USP46: variants seen among roughly 807,000 people sequenced by gnomAD.
The protein encoded by USP46 is ubiquitin specific peptidase 46, also known as ubiquitin carboxyl-terminal hydrolase 46.
USP46 carries 12 observed loss-of-function variants against 44.4 expected under a neutral mutation model. That is an observed-to-expected ratio of 0.27 (90% CI 0.17 to 0.44). The LOEUF (loss-of-function observed/expected upper bound fraction) is 0.44. USP46 is among the 20% of genes least tolerant of loss of function. USP46 has a pLI of 1.00. For missense variants in USP46, 248 were observed against 444.8 expected (o/e 0.56, Z 3.98); for synonymous variants, 155 against 161.5 (o/e 0.96, Z 0.31).
At chr4:52,602,520 C>T (rs2109595632) in intron 6 of USP46, among the ~76,000 whole-genome samples, 1 of 152,310 alleles carries the variant, frequency 6.6e-6, no homozygotes, top group Middle Eastern at 3.4e-3. Context: ...TTCTGACACA[C>T]ACTCTTGGGC....
At chr4:52,638,543 A>T (rs1300096639) in intron 1 of USP46, among the ~76,000 whole-genome samples, 1 of 151,486 alleles carries the variant, frequency 6.6e-6, no homozygotes, top group Non-Finnish European at 1.5e-5. Context: ...CCCCACTCAT[A>T]GCATCCTGTA....
intron 4 of USP46, among the ~76,000 whole-genome samples, chr4:52,612,641 C>G (rs1716977791): frequency 6.6e-6 from 1 of 152,236 alleles, no homozygotes; most frequent in Non-Finnish European, 1.5e-5. Context: ...GGAAAGCTGT[C>G]CTAACCAAGG....
In USP46 at chr4:52,610,497, T is replaced by C; in HGVS notation, c.638+44A>G. On this transcript the variant is annotated intron_variant, in intron 5 of 8. Coordinates refer to ENST00000441222, the MANE Select transcript of USP46 (RefSeq NM_022832.4). The stretch of plus-strand genomic sequence containing the variant: ...TACAGGATTTTCTCTCCCACTTAGT[T>C]ACAAGCCTGATCAAAAGCTCAAACT... 1.9e-6 allele frequency: 3 copies of C among 1,564,392 alleles called. 1 individual carries two copies. Among genetic ancestry groups the C allele is most frequent in the Non-Finnish European group, 2.6e-6 (3 of 1,137,158 alleles).
chr4:52,653,282 G>C (rs1345143957), intron 1 of USP46, among the ~76,000 whole-genome samples: 1 of 151,970 alleles, frequency 6.6e-6, no homozygotes, highest in African/African-American at 2.4e-5. Flanking sequence ...GAGGCGGGCG[G>C]ATCACCTGAG....
rs1048112218 is a variant in USP46, at chr4:52,594,115, A to G, written c.*3525T>C. 1.3e-5 allele frequency: 2 copies of G among 152,212 alleles called. No individual in the cohort carries two copies. Among genetic ancestry groups the G allele is most frequent in the African/African-American group, 4.8e-5 (2 of 41,438 alleles). The allele number at this position is 152,212 out of a possible 1,614,324, so 9.4% of individuals were successfully genotyped here. A position where few individuals can be genotyped will look rare whatever the true frequency, so the allele number is the denominator to read the frequency against. On this transcript the variant is annotated 3_prime_UTR_variant, in exon 9 of 9. Coordinates refer to ENST00000441222, the MANE Select transcript of USP46 (RefSeq NM_022832.4). ...ACCTGCCACTGACTCACACTTTATA[A>G]AAAGGATTTTAAGTCCATGTGTGTA...
intron 1 of USP46, among the ~76,000 whole-genome samples, chr4:52,657,524 G>A (rs986067290): frequency 2.6e-5 from 4 of 152,174 alleles, no homozygotes; most frequent in Admixed American, 6.5e-5. Flanking sequence ...CTACCCTGTA[G>A]TATCCTTAGG....
intron 4 of USP46, among the ~76,000 whole-genome samples, chr4:52,622,326 A>G (rs1717409796): frequency 6.6e-6 from 1 of 152,226 alleles, no homozygotes; most frequent in Admixed American, 6.5e-5. Context: ...ACACACACAT[A>G]TACTTCTTTA....
At chr4:52,640,512 T>C (rs887863207) in intron 1 of USP46, among the ~76,000 whole-genome samples, 1 of 152,134 alleles carries the variant, frequency 6.6e-6, no homozygotes, top group Non-Finnish European at 1.5e-5. Context: ...ATTATTATTT[T>C]TTATTAAAAT....
At chr4:52,618,998 C>T (rs1233673613) in intron 4 of USP46, among the ~76,000 whole-genome samples, 1 of 151,992 alleles carries the variant, frequency 6.6e-6, no homozygotes, top group Non-Finnish European at 1.5e-5. Flanking sequence ...AGAGCAAAAG[C>T]TCAGCTTAAA....
chr4:52,636,346 T>C (rs535027223), intron 1 of USP46, among the ~76,000 whole-genome samples: 1 of 152,294 alleles, frequency 6.6e-6, no homozygotes, highest in African/African-American at 2.4e-5. Context: ...ACCTTGATTT[T>C]AGCCCGGTGA....
chr4:52,603,164 A>G (rs574748654), intron 6 of USP46, among the ~76,000 whole-genome samples: 1 of 152,368 alleles, frequency 6.6e-6, no homozygotes, highest in African/African-American at 2.4e-5. Context: ...TTTTATGGGA[A>G]CACATGACAT....
chr4:52,641,624 C>A (rs764991986), intron 1 of USP46, among the ~76,000 whole-genome samples: 1 of 152,078 alleles, frequency 6.6e-6, no homozygotes, highest in Non-Finnish European at 1.5e-5. Context: ...TCTGGAAAAA[C>A]CAATGAGAAC....
At position 52,650,508 on chromosome 4, in the gene USP46, G is replaced by A. The variant is rs188135856; in HGVS notation, c.36+8607C>T. Among the ~76,000 whole-genome samples the A allele has an allele frequency of 8.3e-4, 126 of 152,302 alleles. 1 individual carries two copies. The highest frequency in any genetic ancestry group is 8.8e-5 in the Non-Finnish European group (6 of 68,030). ...AGGAAAGAGATTGGGTTGAGTTAGT[G>A]TCTGTTTTTAAGGTAAAAGAGTCTA... On this transcript the variant is annotated intron_variant, in intron 1 of 8. Coordinates refer to ENST00000441222, the MANE Select transcript of USP46 (RefSeq NM_022832.4).
intron 4 of USP46, among the ~76,000 whole-genome samples, chr4:52,623,449 G>A (rs1717454031): frequency 6.6e-6 from 1 of 152,120 alleles, no homozygotes; most frequent in Admixed American, 6.5e-5. Context: ...GTATATTAAA[G>A]GCTCTAACTG....
At chr4:52,643,461 C>G (rs6828959) in intron 1 of USP46, among the ~76,000 whole-genome samples, 1,569 of 152,330 alleles carry the variant, frequency 0.01, 21 homozygotes, top group African/African-American at 0.036. Context: ...ACAATATTAA[C>G]AGCAGAATTG....
chr4:52,647,613 G>A (rs1718595041), intron 1 of USP46, among the ~76,000 whole-genome samples: 1 of 152,180 alleles, frequency 6.6e-6, no homozygotes. Flanking sequence ...GAAAAACATT[G>A]TATCTTGACT....
In USP46 at chr4:52,604,715, C is replaced by T. The variant is rs912250227; in HGVS notation, c.639-131G>A. The T allele has an allele frequency of 6.4e-6, 4 of 626,814 alleles. No individual in the cohort carries two copies. In the Admixed American group the frequency reaches 1.2e-4, roughly 18 times the overall value. The allele number at this position is 626,814 out of a possible 1,614,324, so 38.8% of individuals were successfully genotyped here. On this transcript the variant is annotated intron_variant, in intron 5 of 8. Coordinates refer to ENST00000441222, the MANE Select transcript of USP46 (RefSeq NM_022832.4). The stretch of plus-strand genomic sequence containing the variant: ...GAAGAAGAAGTAATCAGAAAAAAAT[C>T]CTACTTAAGACTAGGATGGTAGAGA...
chr4:52,638,084 C>A (rs1718182467), intron 1 of USP46, among the ~76,000 whole-genome samples: 1 of 152,158 alleles, frequency 6.6e-6, no homozygotes, highest in African/African-American at 2.4e-5. Flanking sequence ...GATGACGTTA[C>A]CTTATGTGGC....
chr4:52,639,860 G>GTTTTTTT (rs34078992), intron 1 of USP46, among the ~76,000 whole-genome samples: 2 of 116,620 alleles, frequency 1.7e-5, no homozygotes, highest in Non-Finnish European at 1.8e-5. Context: ...CCATGCCTGG[G>GTTTTTTT]TTTTTTTTTT....
Sources: gnomAD v4.1 joint callset for allele counts (sites outside exome capture counted in the v4.1 genomes callset) on GRCh38, gnomAD v4.1.1 for gene constraint, MANE v1.5 for transcripts, NCBI Gene and HGNC (gene_info 2026-07-23, HGNC 2026-07-21) for gene names.